Variants in KMT2D observed in about 807,000 individuals in gnomAD.
KMT2D encodes the protein histone-lysine N-methyltransferase 2D.
Under a neutral mutation model 512.7 loss-of-function variants are expected in KMT2D, and 55 were observed. The ratio of observed to expected loss-of-function variants is 0.11; its 90% confidence interval spans 0.09 to 0.13. KMT2D has a LOEUF of 0.13. KMT2D is among the 10% of genes least tolerant of loss of function. The probability of loss-of-function intolerance (pLI) is 1.00; values close to 1 mark genes in which losing one functional copy is unlikely to be tolerated. For missense variants in KMT2D, 6,061 were observed against 7,127.9 expected (o/e 0.85, Z 5.39); for synonymous variants, 2,995 against 2,904.0 (o/e 1.03, Z -1.01).
At position 49,026,778 on chromosome 12, in the gene KMT2D, G is replaced by A. The variant is rs1364665136; in HGVS notation, c.15188C>T (p.Ala5063Val). 2 of 1,612,770 alleles carry A rather than the reference G, an allele frequency of 1.2e-6. No individual in the cohort carries two copies. Among genetic ancestry groups the A allele is most frequent in the South Asian group, 1.1e-5 (1 of 91,072 alleles). Reference protein sequence around the residue: ...DLDLWVHLNCALWSTEVYETQ... With the variant: ...DLDLWVHLNCVLWSTEVYETQ... The stretch of plus-strand genomic sequence containing the variant: ...CTCATACACCTCCGTGGACCAAAGG[G>A]CACAGTTGAGGTGCACCCACAGGTC... Residue 5063 changes from alanine (A) to valine (V), a missense_variant, in exon 49 of 55, where the codon GCC becomes GTC. Ala to Val is a moderately conservative substitution (Grantham distance 64, BLOSUM62 0). Around this residue, in one of 16 missense-constraint regions of KMT2D, gnomAD observed 14 missense variants for 53.4 expected, o/e 0.26. Coordinates refer to ENST00000301067, the MANE Select transcript of KMT2D (RefSeq NM_003482.4). The surrounding 1 kb of genome is among the most constrained non-coding windows in gnomAD (Gnocchi z 9.6).
chr12:49,046,441 A>T lies in KMT2D; in HGVS notation c.4419-17T>A. 6.2e-7 allele frequency: 1 copy of T among 1,611,686 alleles called. No homozygotes were observed. The highest frequency in any genetic ancestry group is 8.5e-7 in the Non-Finnish European group (1 of 1,178,268). ...GACACACACCTGATAGGAGCAGGAA[A>T]ACAGAGCTTTAGCACCCAACCTACC... On this transcript the variant is annotated splice_polypyrimidine_tract_variant and intron_variant, in intron 16 of 54. Transcript: ENST00000301067. This position sits in a 1 kb window ranked among gnomAD's most constrained non-coding sequence, Gnocchi z 4.2.
intron 1 of KMT2D, among the ~76,000 whole-genome samples, chr12:49,057,242 C>A (rs1938465721): frequency 6.6e-6 from 1 of 152,230 alleles, no homozygotes; most frequent in Non-Finnish European, 1.5e-5. Context: ...TTTTCTAATT[C>A]TTTGCATCTT....
chr12:49,052,401 G>A lies in KMT2D; in HGVS notation c.1282C>T (p.Pro428Ser), dbSNP rs1220026073. Residue 428 changes from proline (P) to serine (S), a missense_variant, in exon 11 of 55, where the codon CCC becomes TCC. Pro to Ser is a moderately conservative substitution (Grantham distance 74). Coordinates refer to ENST00000301067, the MANE Select transcript of KMT2D (RefSeq NM_003482.4). ...TCGTTTAGGGGGGCCTCCAACTGGG[G>A]CTCAAGTTGGACCCCTGCTTTCCCT... Reference protein sequence around the residue: ...PLGKAGVQLEPQLEAPLNEEM... With the variant: ...PLGKAGVQLESQLEAPLNEEM... 1.9e-6 allele frequency: 3 copies of A among 1,541,724 alleles called. No individual in the cohort carries two copies. Among genetic ancestry groups the A allele is most frequent in the South Asian group, 2.5e-5 (2 of 78,486 alleles).
intron 51 of KMT2D, among the ~76,000 whole-genome samples, chr12:49,023,720 T>C (rs560451929): frequency 7.2e-5 from 11 of 152,342 alleles, no homozygotes; most frequent in Admixed American, 6.5e-4. Context: ...CCCATCAGTT[T>C]AAGTGATCCA....
Position 49,042,372 on chromosome 12 carries a change from A to G in KMT2D, c.5868-42T>C, listed in dbSNP as rs1194638546. 1 of 1,493,680 alleles carries G rather than the reference A, an allele frequency of 6.7e-7. No individual in the cohort carries two copies. The highest frequency in any genetic ancestry group is 2.3e-5 in the Admixed American group (1 of 43,534). The allele number at this position is 1,493,680 out of a possible 1,614,324, so 92.5% of individuals were successfully genotyped here. A position where few individuals can be genotyped will look rare whatever the true frequency, so the allele number is the denominator to read the frequency against. ...GAGAGTCACAGGGCGCAGGGATGCC[A>G]AGTCCCACCCCAGACAAACTGCCTA... On this transcript the variant is annotated intron_variant, in intron 28 of 54. Transcript: ENST00000301067. This position sits in a 1 kb window ranked among gnomAD's most constrained non-coding sequence, Gnocchi z 4.4.
At position 49,045,643 on chromosome 12, in the gene KMT2D, C is replaced by CA. The variant is rs559720363; in HGVS notation, c.4741+276dup. Among the ~76,000 whole-genome samples the CA allele has an allele frequency of 0.071, 4,962 of 69,862 alleles. 370 individuals carry two copies. Among genetic ancestry groups the CA allele is most frequent in the African/African-American group, 0.2 (4,363 of 21,428 alleles). The allele number at this position is 69,862 out of a possible 152,430, so 45.8% of individuals were successfully genotyped here. ...TGGGCAACAGAGCAAGACTCCATCT[C>CA]AAAAAAAAAAAAAAAAAAGAGATCT... On this transcript the variant is annotated intron_variant, in intron 19 of 54. Transcript: ENST00000301067.
At chr12:49,036,996 T>G in intron 35 of KMT2D, 129 bp downstream of exon 35, 17 of 1,222,224 alleles carry the variant, frequency 1.4e-5, no homozygotes, top group Non-Finnish European at 1.8e-5. Context: ...ACCACTAGTA[T>G]GATATTTAGC....
In KMT2D at chr12:49,031,241, G is replaced by A. The variant is rs755175905; in HGVS notation, c.13464C>T (p.Asn4488=). The change falls in exon 40 of 55, where the codon AAC becomes AAT. Residue 4488 remains asparagine (N), a synonymous_variant. Coordinates refer to ENST00000301067, the MANE Select transcript of KMT2D (RefSeq NM_003482.4). ...RGSEGLRAEI[N]GHIDSKLAGL... is the part of the protein sequence containing the mutation. ...CAGCCAGCTTGCTGTCAATGTGCCCGTTGATCTCAGCTCGCAGCCCCTCGG... is the reference window on the plus strand; with the variant it reads ...CAGCCAGCTTGCTGTCAATGTGCCCATTGATCTCAGCTCGCAGCCCCTCGG... 1.6e-5 allele frequency: 26 copies of A among 1,612,790 alleles called. No individual in the cohort carries two copies. The Middle Eastern group carries it at 4.9e-4, about 31-fold the overall frequency.
rs759954784 is a variant in KMT2D at position 49,038,698 on chromosome 12, T to C, written c.8658A>G (p.Lys2886=). 1.2e-6 allele frequency: 2 copies of C among 1,611,644 alleles called. No homozygotes were observed. The highest frequency in any genetic ancestry group is 1.7e-6 in the Non-Finnish European group (2 of 1,179,194). Reference sequence around the variant, plus strand: ...ACGGAGTGCCCCCAGGTCCCAGTCCTTTCTGTACATTGTGCCGCAGCTCAA... The same window carrying C: ...ACGGAGTGCCCCCAGGTCCCAGTCCCTTCTGTACATTGTGCCGCAGCTCAA... ...QFIELRHNVQ[K]GLGPGGTPFP... is the part of the protein sequence containing the mutation. Residue 2886 remains lysine (K), a synonymous_variant, in exon 35 of 55, where the codon AAA becomes AAG. Coordinates refer to ENST00000301067, the MANE Select transcript of KMT2D (RefSeq NM_003482.4). The surrounding 1 kb of genome is among the most constrained non-coding windows in gnomAD (Gnocchi z 5.7).
rs2120370781 is a variant in KMT2D, at chr12:49,027,277, T to C, written c.14689A>G (p.Asn4897Asp). 1 of 1,554,348 alleles carries C rather than the reference T, an allele frequency of 6.4e-7. No individual in the cohort carries two copies. The highest frequency in any genetic ancestry group is 8.7e-7 in the Non-Finnish European group (1 of 1,153,244). ...EPPTQHSYTYNVSNLDVRQLS... is the reference protein window; with the variant it reads ...EPPTQHSYTYDVSNLDVRQLS... The stretch of plus-strand genomic sequence containing the variant: ...TGTCGCACATCCAGATTGGAGACAT[T>C]GTAGGTATAGCTGTGCTGAGTGGGT... The change falls in exon 49 of 55, where the codon AAT becomes GAT. Residue 4897 changes from asparagine to aspartate, a missense_variant. Asn to Asp is a conservative substitution (Grantham distance 23, BLOSUM62 1). This residue lies in a region of KMT2D where 1,600 missense variants were observed against 1,754.9 expected (regional missense o/e 0.91). Coordinates refer to ENST00000301067, the MANE Select transcript of KMT2D (RefSeq NM_003482.4).
Position 49,037,425 on chromosome 12 carries a change from G to A in KMT2D, c.9931C>T (p.Gln3311Ter). The change falls in exon 35 of 55, where the codon CAG (glutamine) becomes TAG (stop). Residue 3311 changes from glutamine to a stop codon, truncating the protein, a stop_gained. Coordinates refer to ENST00000301067, the MANE Select transcript of KMT2D (RefSeq NM_003482.4). LOFTEE classifies it high-confidence loss of function. ...CCTGCAAGACCCAGGGAAAGCTGCT[G>A]TTGGGACCCAGCCAAACTGGGAGAA... ...GSSPSLAGSQQQLSLGLAGAR... is the reference protein window; with the variant it reads ...GSSPSLAGSQ 1 of 1,597,252 alleles carries A rather than the reference G, an allele frequency of 6.3e-7. No individual in the cohort carries two copies. Among genetic ancestry groups the A allele is most frequent in the Non-Finnish European group, 8.5e-7 (1 of 1,172,154 alleles).
In KMT2D at chr12:49,045,092, C is replaced by G. The variant is rs943886318; in HGVS notation, c.4742-127G>C. 16 of 852,656 alleles carry G rather than the reference C, an allele frequency of 1.9e-5. No homozygotes were observed. The African/African-American group carries it at 2.5e-4, about 13-fold the overall frequency. 52.8% of individuals were successfully genotyped at this position (852,656 alleles called of 1,614,324 possible). On this transcript the variant is annotated intron_variant, in intron 19 of 54. Transcript: ENST00000301067. Reference sequence around the variant, plus strand: ...AAAAGTCCAGCTTAGGGTCTAAATGCTGAGGAGAACAGGCCACCAAGGGGC... The same window carrying G: ...AAAAGTCCAGCTTAGGGTCTAAATGGTGAGGAGAACAGGCCACCAAGGGGC...
chr12:49,022,462 C>T lies in KMT2D; in HGVS notation c.16339-109G>A. The T allele has an allele frequency of 1.3e-6, 2 of 1,490,722 alleles. No homozygotes were observed. Among genetic ancestry groups the T allele is most frequent in the East Asian group, 2.3e-5 (1 of 43,972 alleles). The allele number at this position is 1,490,722 out of a possible 1,614,324, so 92.3% of individuals were successfully genotyped here. A position where few individuals can be genotyped will look rare whatever the true frequency, so the allele number is the denominator to read the frequency against. On this transcript the variant is annotated intron_variant, in intron 52 of 54. Transcript: ENST00000301067. This position sits in a 1 kb window ranked among gnomAD's most constrained non-coding sequence, Gnocchi z 8.6. ...GCAGTGGGGGCTTTTGTTGCATGTACTTCATTTCTCCTGCCTTTCCCTTCT... is the reference window on the plus strand; with the variant it reads ...GCAGTGGGGGCTTTTGTTGCATGTATTTCATTTCTCCTGCCTTTCCCTTCT...
Position 49,043,423 on chromosome 12 carries a change from C to T in KMT2D, c.5473G>A (p.Asp1825Asn), listed in dbSNP as rs202048008. 1.2e-6 allele frequency: 2 copies of T among 1,613,974 alleles called. No individual in the cohort carries two copies. Among genetic ancestry groups the T allele is most frequent in the Non-Finnish European group, 1.7e-6 (2 of 1,179,850 alleles). Residue 1825 changes from aspartate (D) to asparagine (N), a missense_variant, in exon 25 of 55, where the codon GAT (aspartate) becomes AAT (asparagine). Physicochemically the swap from Asp to Asn is conservative, Grantham distance 23. Around this residue, in one of 16 missense-constraint regions of KMT2D, gnomAD observed 640 missense variants for 814.3 expected, o/e 0.79. Transcript: ENST00000301067. Reference protein sequence around the residue: ...KELPTSQKGDDGPDIADEESR... With the variant: ...KELPTSQKGDNGPDIADEESR... ...TCTTCATCTGCAATATCTGGACCATCATCTCCTATGAGCAAGAGTCCCCCC... is the reference window on the plus strand; with the variant it reads ...TCTTCATCTGCAATATCTGGACCATTATCTCCTATGAGCAAGAGTCCCCCC...
At position 49,035,061 on chromosome 12, in the gene KMT2D, C is replaced by A. The variant is rs1592124960; in HGVS notation, c.10232-126G>T. 7 of 1,209,804 alleles carry A rather than the reference C, an allele frequency of 5.8e-6. No individual in the cohort carries two copies. The African/African-American group carries it at 7.5e-5, about 13-fold the overall frequency. The allele number at this position is 1,209,804 out of a possible 1,614,324, so 74.9% of individuals were successfully genotyped here. On this transcript the variant is annotated intron_variant, in intron 35 of 54. Coordinates refer to ENST00000301067, the MANE Select transcript of KMT2D (RefSeq NM_003482.4). ...ACAATGGCACGGCAAGGCAGAAAGA[C>A]CACTGAATTAGGAGCCAGTCGGCCT...
rs2120599453 is a variant in KMT2D, at chr12:49,046,062, C to G, written c.4693+3G>C. On this transcript the variant is annotated splice_donor_region_variant and intron_variant, in intron 18 of 54. Coordinates refer to ENST00000301067, the MANE Select transcript of KMT2D (RefSeq NM_003482.4). This position sits in a 1 kb window ranked among gnomAD's most constrained non-coding sequence, Gnocchi z 4.2. ...CTCCCCCTACCCAGCAGCTGGTACT[C>G]ACCCACAGGCTTTACCACGTAGGGC... The G allele has an allele frequency of 6.2e-7, 1 of 1,611,616 alleles. No homozygotes were observed. Among genetic ancestry groups the G allele is most frequent in the Non-Finnish European group, 8.5e-7 (1 of 1,178,664 alleles).
rs182926808 is a variant in KMT2D at position 49,053,327 on chromosome 12, G to A, written c.840-6C>T. The A allele has an allele frequency of 5.8e-5, 94 of 1,611,178 alleles. 1 individual carries two copies. In the African/African-American group the frequency reaches 1.1e-3, roughly 20 times the overall value. On this transcript the variant is annotated splice_polypyrimidine_tract_variant and splice_region_variant and intron_variant, in intron 7 of 54. Transcript: ENST00000301067. Reference sequence around the variant, plus strand: ...TAGAGTCATTCCCAGGTTTCCTGCAGGTGCACATGGAACATTACAGTGTCC... The same window carrying A: ...TAGAGTCATTCCCAGGTTTCCTGCAAGTGCACATGGAACATTACAGTGTCC...
chr12:49,057,006 T>G (rs1592165599), intron 1 of KMT2D, among the ~76,000 whole-genome samples: 4 of 152,106 alleles, frequency 2.6e-5, no homozygotes, highest in Admixed American at 2.6e-4. Context: ...ACACATCATC[T>G]CCATTCCCAA....
At position 49,054,066 on chromosome 12, in the gene KMT2D, G is replaced by A. The variant is rs778489743; in HGVS notation, c.585C>T (p.Phe195=). 6.2e-7 allele frequency: 1 copy of A among 1,613,836 alleles called. No homozygotes were observed. The highest frequency in any genetic ancestry group is 1.3e-5 in the African/African-American group (1 of 74,916). Residue 195 remains phenylalanine, a synonymous_variant, in exon 6 of 55, where the codon TTC becomes TTT. Transcript: ENST00000301067. This position sits in a 1 kb window ranked among gnomAD's most constrained non-coding sequence, Gnocchi z 6.4. The stretch of plus-strand genomic sequence containing the variant: ...AGGAACCGCTGGCAGTCGCGCAGGG[G>A]AAGTGGTAAAGCCGTGGACATCCAG... ...RSPGCPRLYH[F]PCATASGSFL... is the part of the protein sequence containing the mutation.
Sources: gnomAD v4.1 joint callset for allele counts (sites outside exome capture counted in the v4.1 genomes callset) on GRCh38, gnomAD v4.1.1 for gene constraint, gnomAD v4.1.1 regional missense constraint, Gnocchi (gnomAD v3.1) non-coding constraint, MANE v1.5 for transcripts, NCBI Gene and HGNC (gene_info 2026-07-23, HGNC 2026-07-21) for gene names.